KCNQ1: variants seen among roughly 807,000 people sequenced by gnomAD.
The protein encoded by KCNQ1 is potassium voltage-gated channel subfamily Q member 1, also known as potassium voltage-gated channel subfamily KQT member 1.
In KCNQ1, 49 loss-of-function variants were observed where a neutral mutation model predicts 72.4. The observed-to-expected ratio is 0.68, with a 90% CI of 0.54 to 0.86. The LOEUF (loss-of-function observed/expected upper bound fraction) is 0.86, where lower values mean the gene tolerates loss of function less well. Among genes scored for constraint, KCNQ1 ranks in the 40% least tolerant of loss-of-function variants. KCNQ1 has a pLI of 0.00. For synonymous variants in KCNQ1, 450 were observed against 412.6 expected (o/e 1.09, Z -1.10); for missense variants, 790 against 945.1 (o/e 0.84, Z 2.15).
At position 2,674,665 on chromosome 11, in the gene KCNQ1, A is replaced by G; in HGVS notation, c.1514+12584A>G. ...TTGGAAAGCCAGAACTTTTTGCAAA[A>G]TAATTTGAAAAGTTTGTTGAACCTT... On this transcript the variant is annotated intron_variant, in intron 11 of 15. Transcript: ENST00000155840. This position sits in a 1 kb window ranked among gnomAD's most constrained non-coding sequence, Gnocchi z 5.9. 7.5e-6 allele frequency: 3 copies of G among 398,476 alleles called. No homozygotes were observed. Among genetic ancestry groups the G allele is most frequent in the Admixed American group, 8.8e-5 (2 of 22,730 alleles). 24.7% of individuals were successfully genotyped at this position (398,476 alleles called of 1,614,324 possible). A position where few individuals can be genotyped will look rare whatever the true frequency, so the allele number is the denominator to read the frequency against.
At position 2,572,904 on chromosome 11, in the gene KCNQ1, T is replaced by A. The variant is rs199473462; in HGVS notation, c.839T>A (p.Val280Glu). The A allele has an allele frequency of 6.2e-7, 1 of 1,613,850 alleles. No individual in the cohort carries two copies. Among genetic ancestry groups the A allele is most frequent in the Non-Finnish European group, 8.5e-7 (1 of 1,180,032 alleles). ...GGCCTCATCTTCTCCTCGTACTTTG[T>A]GTACCTGGCTGAGAAGGACGCGGTG... is the stretch of plus-strand genomic sequence containing the variant. ...FLGLIFSSYF[V>E]YLAEKDAVNE... is the part of the protein sequence containing the mutation. The change falls in exon 6 of 16, where the codon GTG becomes GAG. Residue 280 changes from valine to glutamate, a missense_variant. This residue lies in a region of KCNQ1 where 133 missense variants were observed against 219.5 expected (regional missense o/e 0.61). Transcript: ENST00000155840.
At chr11:2,646,802 C>T (rs1849672864) in intron 10 of KCNQ1, 1 of 398,466 alleles carries the variant, frequency 2.5e-6, no homozygotes, top group African/African-American at 2.1e-5. Flanking sequence ...AAGCATGAGC[C>T]ATCATGTCCA....
At chr11:2,822,534 G>T (rs941016247) in intron 15 of KCNQ1, among the ~76,000 whole-genome samples, 1 of 152,216 alleles carries the variant, frequency 6.6e-6, no homozygotes, top group African/African-American at 2.4e-5. Flanking sequence ...CCTACCTAGG[G>T]TATTAGCAGA....
Position 2,661,932 on chromosome 11 carries a change from A to G in KCNQ1, c.1394-29A>G. The G allele has an allele frequency of 6.2e-7, 1 of 1,614,044 alleles. No homozygotes were observed. Among genetic ancestry groups the G allele is most frequent in the Non-Finnish European group, 8.5e-7 (1 of 1,180,016 alleles). ...CACTGGCAGGTTGGGTGGGAGGCCTAACGTGCTGTCCCCACACTTTCTCCT... is the reference window on the plus strand; with the variant it reads ...CACTGGCAGGTTGGGTGGGAGGCCTGACGTGCTGTCCCCACACTTTCTCCT... On this transcript the variant is annotated intron_variant, in intron 10 of 15. Coordinates refer to ENST00000155840, the MANE Select transcript of KCNQ1 (RefSeq NM_000218.3). This position sits in a 1 kb window ranked among gnomAD's most constrained non-coding sequence, Gnocchi z 5.9.
intron 15 of KCNQ1, among the ~76,000 whole-genome samples, chr11:2,794,220 G>A (rs1373201673): frequency 6.6e-6 from 1 of 152,234 alleles, no homozygotes; most frequent in Non-Finnish European, 1.5e-5. Context: ...TAGGGTGGAG[G>A]CCTTGGGGCC....
intron 6 of KCNQ1, among the ~76,000 whole-genome samples, chr11:2,580,924 A>G (rs1453340172): frequency 6.6e-6 from 1 of 152,238 alleles, no homozygotes; most frequent in Non-Finnish European, 1.5e-5. Context: ...GCCCTTCTGC[A>G]GAGCGGAGGC....
intron 15 of KCNQ1, among the ~76,000 whole-genome samples, chr11:2,819,628 T>A (rs1045454851): frequency 1.5e-4 from 23 of 152,366 alleles, no homozygotes; most frequent in Non-Finnish European, 2.4e-4. Context: ...GCAGTTATGG[T>A]GCCTGGGGTT....
intron 11 of KCNQ1, chr11:2,665,817 T>C (rs1001949180): frequency 7.5e-6 from 3 of 398,416 alleles, no homozygotes; most frequent in East Asian, 3.6e-5. Context: ...TGCAGACACA[T>C]TGTGCCAGTG....
chr11:2,846,299 T>C (rs1848327919), intron 15 of KCNQ1, among the ~76,000 whole-genome samples: 1 of 152,180 alleles, frequency 6.6e-6, no homozygotes, highest in African/African-American at 2.4e-5. Context: ...AGCCATACGT[T>C]TCCCTGAAGC....
At position 2,769,505 on chromosome 11, in the gene KCNQ1, T is replaced by C. The variant is rs190575859; in HGVS notation, c.1590+586T>C. On this transcript the variant is annotated intron_variant, in intron 12 of 15. Transcript: ENST00000155840. The surrounding 1 kb of genome is among the most constrained non-coding windows in gnomAD (Gnocchi z 4.6). ...CTGCCCTAACTTCTCCAGGGGCATG[T>C]CCCCCCTACAGAAGCCCCTTAGAGC... is the stretch of plus-strand genomic sequence containing the variant. Among the ~76,000 whole-genome samples the C allele has an allele frequency of 0.011, 1,624 of 152,170 alleles. 15 individuals carry two copies. The highest frequency in any genetic ancestry group is 0.044 in the Middle Eastern group (13 of 294).
chr11:2,468,779 G>A lies in KCNQ1; in HGVS notation c.386+23295G>A, dbSNP rs964202918. 6.6e-6 allele frequency among the ~76,000 whole-genome samples: 1 copy of A among 152,154 alleles called. No homozygotes were observed. Among genetic ancestry groups the A allele is most frequent in the Non-Finnish European group, 1.5e-5 (1 of 68,030 alleles). ...TTGTTTGGGTAGAGCCTACTTTGCC[G>A]ATCCATGCACCTGTTGATGGACATG... On this transcript the variant is annotated intron_variant, in intron 1 of 15. Transcript: ENST00000155840. This position sits in a 1 kb window ranked among gnomAD's most constrained non-coding sequence, Gnocchi z 5.7.
In KCNQ1 at chr11:2,787,271, T is replaced by A. The variant is rs1021636342; in HGVS notation, c.1794+9234T>A. 6.6e-6 allele frequency among the ~76,000 whole-genome samples: 1 copy of A among 152,228 alleles called. No individual in the cohort carries two copies. The highest frequency in any genetic ancestry group is 2.1e-4 in the South Asian group (1 of 4,834). On this transcript the variant is annotated intron_variant, in intron 15 of 15. Transcript: ENST00000155840. This position sits in a 1 kb window ranked among gnomAD's most constrained non-coding sequence, Gnocchi z 6.3. Reference sequence around the variant, plus strand: ...TTCTCAGGGAGTAGGAGATTTTTCATTGGCCCTCACAATGAAAGCAGAGCC... The same window carrying A: ...TTCTCAGGGAGTAGGAGATTTTTCAATGGCCCTCACAATGAAAGCAGAGCC...
rs991790432 is a variant in KCNQ1 at position 2,508,842 on chromosome 11, G to A, written c.387-19086G>A. On this transcript the variant is annotated intron_variant, in intron 1 of 15. Coordinates refer to ENST00000155840, the MANE Select transcript of KCNQ1 (RefSeq NM_000218.3). The surrounding 1 kb of genome is among the most constrained non-coding windows in gnomAD (Gnocchi z 6.2). ...AGGAGGGCTAAGGAAAGTCACAGTTGAATGCATGCTCCCTCCACACCCATG... is the reference window on the plus strand; with the variant it reads ...AGGAGGGCTAAGGAAAGTCACAGTTAAATGCATGCTCCCTCCACACCCATG... 1.3e-5 allele frequency among the ~76,000 whole-genome samples: 2 copies of A among 152,196 alleles called. No individual in the cohort carries two copies. Among genetic ancestry groups the A allele is most frequent in the Non-Finnish European group, 2.9e-5 (2 of 68,036 alleles).
chr11:2,799,636 G>A (rs1398181468), intron 15 of KCNQ1, among the ~76,000 whole-genome samples: 1 of 152,116 alleles, frequency 6.6e-6, no homozygotes, highest in Non-Finnish European at 1.5e-5. Flanking sequence ...AGGGGCTCGT[G>A]CACTCGGTGT....
At chr11:2,634,207 A>T (rs1849413670) in intron 10 of KCNQ1, 1 of 392,450 alleles carries the variant, frequency 2.5e-6, no homozygotes, top group Non-Finnish European at 4.4e-6. Context: ...TCTAGGGTAC[A>T]TGTGCACAAC....
At chr11:2,662,242 C>T in intron 11 of KCNQ1, 161 bp downstream of exon 11, 1 of 883,630 alleles carries the variant, frequency 1.1e-6, no homozygotes, top group Non-Finnish European at 1.7e-6. Context: ...AGGCACCAGG[C>T]AAGAGAGGAG....
Position 2,563,447 on chromosome 11 carries a change from G to A in KCNQ1, c.478-7181G>A, listed in dbSNP as rs557376362. On this transcript the variant is annotated intron_variant, in intron 2 of 15. Transcript: ENST00000155840. The surrounding 1 kb of genome is among the most constrained non-coding windows in gnomAD (Gnocchi z 7.4). Reference sequence around the variant, plus strand: ...TATGCCACTGTAACCCCACAACACCGGATACCAGCATGGGGTCGGCCTGCG... The same window carrying A: ...TATGCCACTGTAACCCCACAACACCAGATACCAGCATGGGGTCGGCCTGCG... 1.6e-4 allele frequency among the ~76,000 whole-genome samples: 25 copies of A among 152,154 alleles called. No homozygotes were observed. The highest frequency in any genetic ancestry group is 3.1e-4 in the Non-Finnish European group (21 of 68,040).
In KCNQ1 at chr11:2,677,147, G is replaced by A. The variant is rs944793267; in HGVS notation, c.1514+15066G>A. ...GAAACATCCCTCCCTATTGAACACT[G>A]TTGTTTCTCCCTATCCATCTTATCC... On this transcript the variant is annotated intron_variant, in intron 11 of 15. Transcript: ENST00000155840. This position sits in a 1 kb window ranked among gnomAD's most constrained non-coding sequence, Gnocchi z 4.5. 6 of 398,410 alleles carry A rather than the reference G, an allele frequency of 1.5e-5. No homozygotes were observed. Among genetic ancestry groups the A allele is most frequent in the African/African-American group, 1.0e-4 (5 of 48,596 alleles). 24.7% of individuals were successfully genotyped at this position (398,410 alleles called of 1,614,324 possible).
chr11:2,499,160 C>T (rs150047355), intron 1 of KCNQ1, among the ~76,000 whole-genome samples: 1 of 152,216 alleles, frequency 6.6e-6, no homozygotes. Context: ...TCTTCCTATT[C>T]TGCCATCTTG....
Sources: allele counts gnomAD v4.1 joint callset (sites outside exome capture counted in the v4.1 genomes callset), GRCh38; gene constraint gnomAD v4.1.1; regional missense constraint gnomAD v4.1.1; non-coding constraint Gnocchi (gnomAD v3.1); transcripts MANE v1.5; gene names NCBI Gene and HGNC (gene_info 2026-07-23, HGNC 2026-07-21).